The following GPR39 variants were observed in gnomAD, a reference collection of about 807,000 sequenced individuals.
The protein encoded by GPR39 is G protein-coupled receptor 39.
In GPR39, 23 loss-of-function variants were observed where a neutral mutation model predicts 18.4. The ratio of observed to expected loss-of-function variants is 1.25; its 90% CI spans 0.90 to 1.77. The LOEUF is 1.77. Among genes scored for constraint, GPR39 ranks in the 40% most tolerant of loss-of-function variants. The pLI is 0.00. For missense variants in GPR39, 647 were observed against 602.4 expected, an observed-to-expected ratio of 1.07 and a Z score of -0.78; for synonymous variants, 280 against 257.9, an observed-to-expected ratio of 1.09 and a Z score of -0.82.
chr2:132,582,850 T>C (rs1680649714), intron 1 of GPR39, among the ~76,000 whole-genome samples: 1 of 152,056 alleles, frequency 6.6e-6, no homozygotes, highest in Non-Finnish European at 1.5e-5. Flanking sequence ...GACCTTCACT[T>C]AGTGATTCAC....
chr2:132,607,630 T>A, intron 1 of GPR39, among the ~76,000 whole-genome samples: 1 of 152,110 alleles, frequency 6.6e-6, no homozygotes. Context: ...ACACCTCTCA[T>A]CCAAAGGAGA....
At chr2:132,498,461 C>T (rs977033284) in intron 1 of GPR39, among the ~76,000 whole-genome samples, 1 of 152,110 alleles carries the variant, frequency 6.6e-6, no homozygotes. Context: ...ACCACATTTT[C>T]TTTATCCACT....
chr2:132,481,211 G>A (rs1287142191), intron 1 of GPR39, among the ~76,000 whole-genome samples: 1 of 152,180 alleles, frequency 6.6e-6, no homozygotes, highest in Non-Finnish European at 1.5e-5. Flanking sequence ...ATTTCACAGG[G>A]ACCAGAGGTT....
chr2:132,495,708 G>C (rs1681628323), intron 1 of GPR39, among the ~76,000 whole-genome samples: 1 of 152,076 alleles, frequency 6.6e-6, no homozygotes, highest in Non-Finnish European at 1.5e-5. Context: ...TGTTCCTCTG[G>C]AGAAGCAGTC....
At chr2:132,613,604 G>T (rs1681272903) in intron 1 of GPR39, among the ~76,000 whole-genome samples, 1 of 152,214 alleles carries the variant, frequency 6.6e-6, no homozygotes, top group African/African-American at 2.4e-5. Context: ...CAGAAATTCT[G>T]CAATGTTCAT....
chr2:132,491,985 T>C (rs1380107130), intron 1 of GPR39, among the ~76,000 whole-genome samples: 1 of 151,362 alleles, frequency 6.6e-6, no homozygotes, highest in African/African-American at 2.4e-5. Context: ...TCATTATTAA[T>C]TTTCATTGAT....
chr2:132,423,909 A>G (rs1680065963), intron 1 of GPR39, among the ~76,000 whole-genome samples: 2 of 152,210 alleles, frequency 1.3e-5, no homozygotes, highest in South Asian at 4.1e-4. Flanking sequence ...AATGAGCCTC[A>G]GCTTGGAATT....
At chr2:132,556,512 A>C (rs1680155327) in intron 1 of GPR39, among the ~76,000 whole-genome samples, 1 of 152,154 alleles carries the variant, frequency 6.6e-6, no homozygotes, top group Non-Finnish European at 1.5e-5. Context: ...GTAGTGGCCT[A>C]TGTGGGGGTT....
chr2:132,550,183 G>A (rs1010442550), intron 1 of GPR39, among the ~76,000 whole-genome samples: 3 of 152,188 alleles, frequency 2.0e-5, no homozygotes, highest in African/African-American at 7.2e-5. Context: ...GCCATCTATT[G>A]TAGATAGTTT....
At chr2:132,609,903 G>A (rs1489869134) in intron 1 of GPR39, among the ~76,000 whole-genome samples, 1 of 152,056 alleles carries the variant, frequency 6.6e-6, no homozygotes, top group African/African-American at 2.4e-5. Flanking sequence ...ACTACAGCCA[G>A]CCTGACCTTC....
intron 1 of GPR39, among the ~76,000 whole-genome samples, chr2:132,611,801 C>T (rs982436837): frequency 2.6e-5 from 4 of 152,044 alleles, no homozygotes; most frequent in Non-Finnish European, 5.9e-5. Flanking sequence ...TGCATTTGTT[C>T]TAAAGTAATT....
intron 1 of GPR39, among the ~76,000 whole-genome samples, chr2:132,518,511 C>T (rs62169690): frequency 0.043 from 6,518 of 152,180 alleles, 283 homozygotes; most frequent in African/African-American, 0.11. Context: ...TCATCCGCCC[C>T]GTTCATGGGC....
At chr2:132,480,499 G>A (rs1057177268) in intron 1 of GPR39, among the ~76,000 whole-genome samples, 18 of 152,296 alleles carry the variant, frequency 1.2e-4, no homozygotes, top group Middle Eastern at 3.4e-3. Flanking sequence ...GAGAGAGAAA[G>A]TGGGAAATCA....
At chr2:132,484,755 C>T (rs921230566) in intron 1 of GPR39, among the ~76,000 whole-genome samples, 1 of 152,230 alleles carries the variant, frequency 6.6e-6, no homozygotes, top group Admixed American at 6.5e-5. Flanking sequence ...AGAATTCACA[C>T]ACCCTCACAC....
chr2:132,543,082 G>T (rs1384199002), intron 1 of GPR39, among the ~76,000 whole-genome samples: 7 of 152,192 alleles, frequency 4.6e-5, no homozygotes, highest in Non-Finnish European at 8.8e-5. Flanking sequence ...ACTCAGCTAG[G>T]TTTGCATTCT....
chr2:132,441,653 G>A (rs1049341058), intron 1 of GPR39, among the ~76,000 whole-genome samples: 7 of 152,268 alleles, frequency 4.6e-5, no homozygotes, highest in South Asian at 2.1e-4. Flanking sequence ...CTATCACACC[G>A]AAGCTTCCAT....
At chr2:132,446,400 A>G (rs1680539053) in intron 1 of GPR39, among the ~76,000 whole-genome samples, 1 of 152,234 alleles carries the variant, frequency 6.6e-6, no homozygotes. Flanking sequence ...AAAAAGTCTT[A>G]AAACAGTGTT....
At chr2:132,431,777 G>A (rs1296587211) in intron 1 of GPR39, among the ~76,000 whole-genome samples, 1 of 152,226 alleles carries the variant, frequency 6.6e-6, no homozygotes. Context: ...TGTATCTTAA[G>A]TGGTGGGGAT....
intron 1 of GPR39, among the ~76,000 whole-genome samples, chr2:132,561,959 C>T: frequency 6.7e-6 from 1 of 148,852 alleles, no homozygotes; most frequent in African/African-American, 2.6e-5. Flanking sequence ...ACTAGGCCTA[C>T]CTATTCAAAT....
Sources: allele counts gnomAD v4.1 joint callset (sites outside exome capture counted in the v4.1 genomes callset), GRCh38; gene constraint gnomAD v4.1.1; transcripts MANE v1.5; gene names NCBI Gene and HGNC (gene_info 2026-07-23, HGNC 2026-07-21).